Variants in RBMS3 observed in about 807,000 individuals in gnomAD.
The protein encoded by RBMS3 is RNA binding motif single stranded interacting protein 3.
In RBMS3, 27 loss-of-function variants were observed where a neutral mutation model predicts 66.8. That is an observed-to-expected ratio of 0.40 (90% CI 0.30 to 0.56). The LOEUF (loss-of-function observed/expected upper bound fraction) is 0.56, where lower values mean the gene tolerates loss of function less well. Ranked by LOEUF, RBMS3 falls within the 20% of genes least tolerant of loss-of-function variation. The pLI, the probability that RBMS3 is intolerant of heterozygous loss-of-function variation, is 0.40. For missense variants in RBMS3, 513 were observed against 549.5 expected, an observed-to-expected ratio of 0.93 and a Z score of 0.66; for synonymous variants, 188 against 183.0, an observed-to-expected ratio of 1.03 and a Z score of -0.22.
At chr3:29,516,318 G>T (rs2044618829) in intron 3 of RBMS3, among the ~76,000 whole-genome samples, 1 of 152,192 alleles carries the variant, frequency 6.6e-6, no homozygotes, top group African/African-American at 2.4e-5. Context: ...GATATAAACA[G>T]GCCTAGAGGT....
intron 3 of RBMS3, among the ~76,000 whole-genome samples, chr3:29,495,714 G>A (rs970593932): frequency 1.1e-4 from 16 of 151,900 alleles, no homozygotes; most frequent in African/African-American, 2.4e-5. Flanking sequence ...CACTGCGCCC[G>A]GTCAGAAATA....
chr3:29,736,597 GGACTGTCA>G (rs1173302182), intron 4 of RBMS3, among the ~76,000 whole-genome samples: 4 of 152,172 alleles, frequency 2.6e-5, no homozygotes, highest in African/African-American at 9.7e-5. Flanking sequence ...CCCATTCATA[GGACTGTCA>G]TGTGCTGTGG....
intron 12 of RBMS3, among the ~76,000 whole-genome samples, chr3:29,982,486 T>C (rs1698062234): frequency 6.6e-6 from 1 of 152,198 alleles, no homozygotes; most frequent in Non-Finnish European, 1.5e-5. Flanking sequence ...CTTGCTTCTC[T>C]AGTTCTTTCA....
At chr3:29,426,686 T>G (rs1357597563) in intron 1 of RBMS3, among the ~76,000 whole-genome samples, 1 of 152,164 alleles carries the variant, frequency 6.6e-6, no homozygotes, top group African/African-American at 2.4e-5. Flanking sequence ...TCTAATGACA[T>G]AATTTCATTT....
At chr3:29,855,776 G>A (rs1275998869) in intron 6 of RBMS3, among the ~76,000 whole-genome samples, 1 of 152,196 alleles carries the variant, frequency 6.6e-6, no homozygotes, top group African/African-American at 2.4e-5. Flanking sequence ...CTGTTGTGGA[G>A]CCATAGGACA....
intron 3 of RBMS3, among the ~76,000 whole-genome samples, chr3:29,517,297 G>A (rs971527310): frequency 2.9e-5 from 4 of 137,302 alleles, no homozygotes; most frequent in African/African-American, 6.2e-5. Context: ...GTGTGTGTGT[G>A]TGTGTGTGTG....
chr3:29,852,671 G>C (rs2058966207), intron 6 of RBMS3, among the ~76,000 whole-genome samples: 1 of 152,158 alleles, frequency 6.6e-6, no homozygotes, highest in South Asian at 2.1e-4. Flanking sequence ...GCAGATGCTG[G>C]CAAGGTGGCA....
chr3:29,725,260 G>A (rs190168148), intron 4 of RBMS3, among the ~76,000 whole-genome samples: 37 of 152,278 alleles, frequency 2.4e-4, no homozygotes, highest in Middle Eastern at 3.4e-3. Flanking sequence ...TTAACTCATT[G>A]TCGAGTCACA....
chr3:29,927,768 C>G (rs2060980031), intron 10 of RBMS3, among the ~76,000 whole-genome samples: 1 of 152,078 alleles, frequency 6.6e-6, no homozygotes, highest in South Asian at 2.1e-4. Flanking sequence ...AAATTGAAAG[C>G]TGTGTGATCC....
chr3:29,726,830 C>T lies in RBMS3; in HGVS notation c.400-12890C>T, dbSNP rs116551483. On this transcript the variant is annotated intron_variant, in intron 4 of 14. Transcript: ENST00000383767. ...ATTCAATGCTATTCCTGTTAAGCTACGATTGACTTTCTTTGCAAAATTAGA... is the reference window on the plus strand; with the variant it reads ...ATTCAATGCTATTCCTGTTAAGCTATGATTGACTTTCTTTGCAAAATTAGA... Among the ~76,000 whole-genome samples the T allele has an allele frequency of 5.1e-3, 778 of 152,174 alleles. 6 individuals are homozygous for T. Among genetic ancestry groups the T allele is most frequent in the African/African-American group, 0.018 (727 of 41,506 alleles).
At chr3:29,606,951 A>C (rs2048337127) in intron 4 of RBMS3, among the ~76,000 whole-genome samples, 2 of 152,146 alleles carry the variant, frequency 1.3e-5, no homozygotes, top group South Asian at 4.1e-4. Flanking sequence ...CAATACAAAC[A>C]ACAGGCAAAC....
chr3:29,314,578 C>G (rs1233997415), intron 1 of RBMS3, among the ~76,000 whole-genome samples: 1 of 151,140 alleles, frequency 6.6e-6, no homozygotes, highest in Non-Finnish European at 1.5e-5. Context: ...TGGCTCTGAC[C>G]CTGGTTTAAT....
intron 4 of RBMS3, among the ~76,000 whole-genome samples, chr3:29,702,033 T>C (rs908373673): frequency 1.3e-5 from 2 of 152,234 alleles, no homozygotes; most frequent in Non-Finnish European, 2.9e-5. Flanking sequence ...AGAACTTTTA[T>C]GTCTAGCTAA....
At chr3:29,438,142 T>C (rs1441593473) in intron 2 of RBMS3, among the ~76,000 whole-genome samples, 2 of 152,100 alleles carry the variant, frequency 1.3e-5, no homozygotes, top group Non-Finnish European at 2.9e-5. Context: ...TCCATTCCTG[T>C]ACCTCATCTC....
rs979325832 is a variant in RBMS3, at chr3:29,302,178, T to A, written c.75+20422T>A. Among the ~76,000 whole-genome samples the A allele has an allele frequency of 2.6e-5, 4 of 151,796 alleles. 1 individual carries two copies. The highest frequency in any genetic ancestry group is 4.8e-5 in the African/African-American group (2 of 41,352). The stretch of plus-strand genomic sequence containing the variant: ...GTGCATGCCACCACATTCATCCAAT[T>A]TTTAAAAATTTTCTGTAGAGATGAA... On this transcript the variant is annotated intron_variant, in intron 1 of 14. Transcript: ENST00000383767.
chr3:29,394,075 A>G (rs1012150791), intron 1 of RBMS3, among the ~76,000 whole-genome samples: 5 of 152,148 alleles, frequency 3.3e-5, no homozygotes, highest in African/African-American at 1.2e-4. Context: ...TCCTAATCCT[A>G]GCAAGCCTGA....
At chr3:29,808,698 TTACTA>T (rs1461112964) in intron 6 of RBMS3, among the ~76,000 whole-genome samples, 1 of 151,962 alleles carries the variant, frequency 6.6e-6, no homozygotes, top group Non-Finnish European at 1.5e-5. Flanking sequence ...TCTTAAAACA[TTACTA>T]TATGCTTCAT....
chr3:29,376,693 G>T (rs1000239051), intron 1 of RBMS3, among the ~76,000 whole-genome samples: 1 of 152,162 alleles, frequency 6.6e-6, no homozygotes, highest in Non-Finnish European at 1.5e-5. Flanking sequence ...GGATCACGAG[G>T]TCAGGAGATG....
chr3:29,324,405 A>G (rs2035193443), intron 1 of RBMS3, among the ~76,000 whole-genome samples: 1 of 152,118 alleles, frequency 6.6e-6, no homozygotes, highest in Admixed American at 6.5e-5. Flanking sequence ...TATGATTAAC[A>G]TTTGCCTCAA....
Sources: gnomAD v4.1 joint callset for allele counts (sites outside exome capture counted in the v4.1 genomes callset) on GRCh38, gnomAD v4.1.1 for gene constraint, MANE v1.5 for transcripts, NCBI Gene and HGNC (gene_info 2026-07-23, HGNC 2026-07-21) for gene names.